Variants in GREB1L observed in about 807,000 individuals in gnomAD.
The protein encoded by GREB1L is GREB1 like retinoic acid receptor coactivator.
Under a neutral mutation model 200.8 loss-of-function variants are expected in GREB1L, and 17 were observed. The ratio of observed to expected loss-of-function variants is 0.08; its 90% CI spans 0.06 to 0.13. The LOEUF (loss-of-function observed/expected upper bound fraction) is 0.13, where lower values mean the gene tolerates loss of function less well. GREB1L is among the 10% of genes least tolerant of loss of function. The pLI, the probability that GREB1L is intolerant of heterozygous loss-of-function variation, is 1.00. For synonymous variants in GREB1L, 789 were observed against 893.0 expected, an observed-to-expected ratio of 0.88 and a Z score of 2.08; for missense variants, 1,657 against 2,367.7, an observed-to-expected ratio of 0.70 and a Z score of 6.23.
At chr18:21,320,626 CGTA>C (rs1352578563) in intron 1 of GREB1L, among the ~76,000 whole-genome samples, 3 of 151,728 alleles carry the variant, frequency 2.0e-5, no homozygotes, top group African/African-American at 7.3e-5. Flanking sequence ...ATTAGCCGGG[CGTA>C]GTGGTGGGTG....
At chr18:21,357,295 G>C (rs1177245159) in intron 1 of GREB1L, among the ~76,000 whole-genome samples, 1 of 152,146 alleles carries the variant, frequency 6.6e-6, no homozygotes, top group Non-Finnish European at 1.5e-5. Flanking sequence ...CTCGTGATCC[G>C]CCCGCCTCAG....
intron 1 of GREB1L, among the ~76,000 whole-genome samples, chr18:21,262,738 G>A (rs2037908707): frequency 6.6e-6 from 1 of 152,122 alleles, no homozygotes; most frequent in African/African-American, 2.4e-5. Flanking sequence ...TAGCAAGGCG[G>A]TGGGCCAGTG....
chr18:21,512,806 A>G (rs1289897033), intron 27 of GREB1L, among the ~76,000 whole-genome samples: 1 of 152,056 alleles, frequency 6.6e-6, no homozygotes, highest in Non-Finnish European at 1.5e-5. Flanking sequence ...CTTTTCATAT[A>G]TGGCCTTTAT....
chr18:21,328,772 C>T (rs2039063227), intron 1 of GREB1L, among the ~76,000 whole-genome samples: 1 of 151,872 alleles, frequency 6.6e-6, no homozygotes, highest in Non-Finnish European at 1.5e-5. Context: ...TTGTATGAAT[C>T]AGGGGGAAAG....
intron 5 of GREB1L, among the ~76,000 whole-genome samples, chr18:21,398,373 C>T (rs1185993024): frequency 6.6e-6 from 1 of 152,196 alleles, no homozygotes; most frequent in Non-Finnish European, 1.5e-5. Flanking sequence ...CCACCCAGCA[C>T]AGTGCTTGGG....
intron 2 of GREB1L, among the ~76,000 whole-genome samples, chr18:21,366,426 A>G (rs2039682377): frequency 6.6e-6 from 1 of 151,988 alleles, no homozygotes; most frequent in South Asian, 2.1e-4. Context: ...TTATGATTTT[A>G]TGCTTCAAAT....
chr18:21,278,386 A>AAAAAAAAT lies in GREB1L; in HGVS notation c.-120+35999_-120+36000insATAAAAAA, dbSNP rs1352506318. Among the ~76,000 whole-genome samples, 21 of 135,592 alleles carry AAAAAAAAT rather than the reference A, an allele frequency of 1.5e-4. 1 individual carries two copies. Among genetic ancestry groups the AAAAAAAAT allele is most frequent in the Non-Finnish European group, 2.3e-4 (15 of 66,182 alleles). 89.0% of individuals were successfully genotyped at this position (135,592 alleles called of 152,430 possible). Reference sequence around the variant, plus strand: ...CAAGAGCAAGACTCCATCTCAAAAAAAAAAAATAAATAAATAAATAAATAA... The same window carrying AAAAAAAAT: ...CAAGAGCAAGACTCCATCTCAAAAAAAAAAAAATAAAAAATAAATAAATAAATAAATAA... On this transcript the variant is annotated intron_variant, in intron 1 of 32. Coordinates refer to ENST00000424526, the MANE Select transcript of GREB1L (RefSeq NM_001142966.3).
At chr18:21,300,827 G>T (rs548561947) in intron 1 of GREB1L, among the ~76,000 whole-genome samples, 1 of 152,086 alleles carries the variant, frequency 6.6e-6, no homozygotes, top group South Asian at 2.1e-4. Context: ...GAGGGGTGGT[G>T]GGGGGAGGGA....
intron 27 of GREB1L, among the ~76,000 whole-genome samples, chr18:21,511,426 T>C (rs1206193348): frequency 6.6e-6 from 1 of 152,156 alleles, no homozygotes; most frequent in East Asian, 1.9e-4. Context: ...TTTGATGAAG[T>C]CCAGTTTGTC....
intron 11 of GREB1L, among the ~76,000 whole-genome samples, chr18:21,448,566 T>A (rs1460058247): frequency 1.3e-5 from 2 of 152,132 alleles, no homozygotes; most frequent in East Asian, 3.9e-4. Flanking sequence ...TAGCCATGGG[T>A]TCTGGGGCTG....
intron 7 of GREB1L, among the ~76,000 whole-genome samples, chr18:21,412,350 C>T (rs1435379527): frequency 6.6e-6 from 1 of 152,008 alleles, no homozygotes; most frequent in Non-Finnish European, 1.5e-5. Flanking sequence ...GAGGTCAAGG[C>T]CGCAGTGAGC....
At chr18:21,436,503 G>T (rs956524510) in intron 7 of GREB1L, among the ~76,000 whole-genome samples, 1 of 152,026 alleles carries the variant, frequency 6.6e-6, no homozygotes, top group South Asian at 2.1e-4. Context: ...GTGTGGTTAT[G>T]TGCACCTGTG....
At chr18:21,355,982 CTTTTTTTTTTTT>C (rs869238658) in intron 1 of GREB1L, among the ~76,000 whole-genome samples, 4 of 109,176 alleles carry the variant, frequency 3.7e-5, no homozygotes, top group Non-Finnish European at 7.5e-5. Context: ...AATTAGGCTT[CTTTTTTTTTTTT>C]TTTTTTTTTT....
At chr18:21,404,660 T>C (rs112039667) in intron 7 of GREB1L, among the ~76,000 whole-genome samples, 1 of 152,202 alleles carries the variant, frequency 6.6e-6, no homozygotes, top group Admixed American at 6.5e-5. Context: ...AGATTCCAGG[T>C]GGAACTTCAT....
intron 7 of GREB1L, among the ~76,000 whole-genome samples, chr18:21,419,201 G>A (rs1350459593): frequency 1.3e-5 from 2 of 152,122 alleles, no homozygotes; most frequent in African/African-American, 2.4e-5. Context: ...TCTAGAGTTC[G>A]CAGAAGGACA....
At chr18:21,440,781 C>T (rs1343695922) in intron 9 of GREB1L, among the ~76,000 whole-genome samples, 1 of 152,156 alleles carries the variant, frequency 6.6e-6, no homozygotes, top group Non-Finnish European at 1.5e-5. Flanking sequence ...ACCTGAAAAA[C>T]CAAAACCAAC....
chr18:21,502,044 T>C (rs1345935101), intron 23 of GREB1L, among the ~76,000 whole-genome samples: 7 of 152,116 alleles, frequency 4.6e-5, no homozygotes, highest in Non-Finnish European at 7.4e-5. Flanking sequence ...GCGGATCACC[T>C]GAGGTCAGGA....
chr18:21,294,369 T>C (rs1427649344), intron 1 of GREB1L, among the ~76,000 whole-genome samples: 1 of 151,852 alleles, frequency 6.6e-6, no homozygotes. Flanking sequence ...CCCTAGAAGC[T>C]CAAGAGATGC....
intron 10 of GREB1L, 76 bp from the exon 11 acceptor site, chr18:21,444,148 C>T: frequency 8.9e-6 from 9 of 1,008,770 alleles, no homozygotes; most frequent in Non-Finnish European, 1.1e-5. Context: ...CAGCTTTGAT[C>T]GTCGTTGAGC....
Sources: gnomAD v4.1 joint callset for allele counts (sites outside exome capture counted in the v4.1 genomes callset) on GRCh38, gnomAD v4.1.1 for gene constraint, MANE v1.5 for transcripts, NCBI Gene and HGNC (gene_info 2026-07-23, HGNC 2026-07-21) for gene names.